The following LARGE1 variants were observed in gnomAD, a reference collection of about 807,000 sequenced individuals.
LARGE1 encodes the protein LARGE xylosyl- and glucuronyltransferase 1, also known as xylosyl- and glucuronyltransferase LARGE1.
A neutral mutation model predicts 87.6 loss-of-function variants in LARGE1; 43 were observed. The observed-to-expected ratio is 0.49, with a 90% confidence interval of 0.38 to 0.63. The LOEUF (loss-of-function observed/expected upper bound fraction) is 0.63. Ranked by LOEUF, LARGE1 falls within the 30% of genes least tolerant of loss-of-function variation. The probability of loss-of-function intolerance (pLI) is 0.00; values close to 1 mark genes in which losing one functional copy is unlikely to be tolerated. For missense variants in LARGE1, 802 were observed against 1,000.2 expected, an observed-to-expected ratio of 0.80 and a Z score of 2.67; for synonymous variants, 434 against 394.6, an observed-to-expected ratio of 1.10 and a Z score of -1.18.
At chr22:33,364,721 G>T (rs2064521761) in intron 9 of LARGE1, among the ~76,000 whole-genome samples, 1 of 152,128 alleles carries the variant, frequency 6.6e-6, no homozygotes, top group Non-Finnish European at 1.5e-5. Context: ...GCATATGTCA[G>T]TTTTTTGTTT....
intron 11 of LARGE1, among the ~76,000 whole-genome samples, chr22:33,185,415 A>C (rs1194185907): frequency 6.6e-6 from 1 of 152,174 alleles, no homozygotes; most frequent in Non-Finnish European, 1.5e-5. Flanking sequence ...AGAGGGATGA[A>C]TTGGTGAAAC....
intron 11 of LARGE1, among the ~76,000 whole-genome samples, chr22:33,230,575 G>C (rs562786252): frequency 1.3e-5 from 2 of 152,336 alleles, no homozygotes; most frequent in East Asian, 3.9e-4. Flanking sequence ...AAGCAAATAA[G>C]TTTGAGCTGA....
intron 6 of LARGE1, among the ~76,000 whole-genome samples, chr22:33,526,557 T>C (rs2071905959): frequency 6.6e-6 from 1 of 152,240 alleles, no homozygotes; most frequent in Admixed American, 6.5e-5. Context: ...ACTTCTGTAG[T>C]GTACAAGATT....
intron 3 of LARGE1, among the ~76,000 whole-genome samples, chr22:33,630,431 A>G (rs957542655): frequency 1.3e-5 from 2 of 152,284 alleles, no homozygotes; most frequent in East Asian, 3.9e-4. Flanking sequence ...ACAACCTTAG[A>G]TGGTATAGCC....
intron 2 of LARGE1, among the ~76,000 whole-genome samples, chr22:33,715,037 T>C (rs2082868766): frequency 6.6e-6 from 1 of 152,188 alleles, no homozygotes; most frequent in Admixed American, 6.5e-5. Context: ...CCATGCTCAA[T>C]TGATGGAGGC....
chr22:33,351,807 T>A (rs954683809), intron 9 of LARGE1, among the ~76,000 whole-genome samples: 1 of 151,778 alleles, frequency 6.6e-6, no homozygotes, highest in Admixed American at 6.6e-5. Flanking sequence ...AGTGGTGCAA[T>A]CTTGGCTCAC....
chr22:33,836,628 G>T (rs11914199), intron 1 of LARGE1, among the ~76,000 whole-genome samples: 1 of 152,040 alleles, frequency 6.6e-6, no homozygotes, highest in East Asian at 1.9e-4. Flanking sequence ...CCATGGCTTC[G>T]AGTGGCAGCC....
intron 1 of LARGE1, among the ~76,000 whole-genome samples, chr22:33,829,038 T>C (rs1256601901): frequency 7.1e-6 from 1 of 141,774 alleles, no homozygotes; most frequent in Non-Finnish European, 1.5e-5. Flanking sequence ...TGAGAGAGTC[T>C]TGCTCTGTTG....
At chr22:33,453,506 C>T (rs942621903) in intron 6 of LARGE1, among the ~76,000 whole-genome samples, 4 of 152,132 alleles carry the variant, frequency 2.6e-5, no homozygotes, top group African/African-American at 7.2e-5. Flanking sequence ...ACTACCACCA[C>T]TGGTGGTGAG....
intron 1 of LARGE1, among the ~76,000 whole-genome samples, chr22:33,832,882 G>C (rs2063011659): frequency 6.6e-6 from 1 of 152,250 alleles, no homozygotes; most frequent in Admixed American, 6.5e-5. Context: ...AATGTTATTA[G>C]ACGACTGTTG....
intron 9 of LARGE1, among the ~76,000 whole-genome samples, chr22:33,375,032 G>A (rs2064945646): frequency 6.6e-6 from 1 of 152,122 alleles, no homozygotes; most frequent in Non-Finnish European, 1.5e-5. Flanking sequence ...TGGACTAAAT[G>A]CAAATGTTTG....
rs114240705 is a variant in LARGE1, at chr22:33,523,524, C to T, written c.787+41324G>A. On this transcript the variant is annotated intron_variant, in intron 6 of 14. Transcript: ENST00000397394. ...TTAGCCTATTGTCTGTGACATGAAT[C>T]GCAAACATTTTCCTCTTGGAAAATC... Among the ~76,000 whole-genome samples the T allele has an allele frequency of 9.6e-3, 1,457 of 152,192 alleles. 23 individuals carry two copies. Among genetic ancestry groups the T allele is most frequent in the African/African-American group, 0.032 (1,326 of 41,506 alleles).
intron 3 of LARGE1, among the ~76,000 whole-genome samples, chr22:33,628,631 A>T (rs2080005812): frequency 6.6e-6 from 1 of 152,088 alleles, no homozygotes; most frequent in African/African-American, 2.4e-5. Context: ...TAGATTCTTA[A>T]CCCTGGTGGT....
intron 11 of LARGE1, among the ~76,000 whole-genome samples, chr22:33,264,795 C>T (rs377586493): frequency 8.6e-5 from 13 of 151,486 alleles, no homozygotes; most frequent in East Asian, 3.9e-4. Flanking sequence ...TATCACTGGG[C>T]GCTGTCATCT....
chr22:33,708,872 T>C (rs1465615926), intron 2 of LARGE1, among the ~76,000 whole-genome samples: 1 of 152,140 alleles, frequency 6.6e-6, no homozygotes, highest in Non-Finnish European at 1.5e-5. Flanking sequence ...GTGCTGGGAT[T>C]ACAGGCGCGA....
intron 7 of LARGE1, among the ~76,000 whole-genome samples, chr22:33,410,918 C>G (rs763062227): frequency 9.2e-5 from 14 of 152,312 alleles, no homozygotes; most frequent in Non-Finnish European, 1.9e-4. Context: ...TACTGTGAAC[C>G]TGAGAGGCCC....
At chr22:33,292,551 T>C (rs1007400714) in intron 12 of LARGE1, among the ~76,000 whole-genome samples, 3 of 152,120 alleles carry the variant, frequency 2.0e-5, no homozygotes, top group Admixed American at 6.5e-5. Context: ...CAGGCTTACA[T>C]GTCGAGGAGA....
intron 7 of LARGE1, among the ~76,000 whole-genome samples, chr22:33,419,842 C>T (rs2147557284): frequency 6.6e-6 from 1 of 152,234 alleles, no homozygotes; most frequent in African/African-American, 2.4e-5. Flanking sequence ...AGGCGCCTAC[C>T]ACCATCACAC....
chr22:33,403,514 CA>C (rs1294915057), intron 7 of LARGE1, among the ~76,000 whole-genome samples: 1 of 152,168 alleles, frequency 6.6e-6, no homozygotes, highest in African/African-American at 2.4e-5. Flanking sequence ...GCTGGTTCTG[CA>C]GTGTTGTAAA....
Sources: allele counts gnomAD v4.1 joint callset (sites outside exome capture counted in the v4.1 genomes callset), GRCh38; gene constraint gnomAD v4.1.1; transcripts MANE v1.5; gene names NCBI Gene and HGNC (gene_info 2026-07-23, HGNC 2026-07-21).